The following PAGE2B variants were observed in gnomAD, a reference collection of about 807,000 sequenced individuals.
PAGE2B encodes PAGE family member 2B.
In PAGE2B, 5 loss-of-function variants were observed where a neutral mutation model predicts 7.6. The observed-to-expected ratio is 0.66, with a 90% confidence interval of 0.34 to 1.38. PAGE2B has a LOEUF of 1.38. Ranked by LOEUF, PAGE2B falls within the 40% of genes most tolerant of loss-of-function variation. The probability of loss-of-function intolerance (pLI) is 0.04; values close to 1 mark genes in which losing one functional copy is unlikely to be tolerated. For synonymous variants in PAGE2B, 29 were observed against 26.7 expected (o/e 1.09, Z -0.27); for missense variants, 70 against 78.4 (o/e 0.89, Z 0.41).
At chrX:55,037,870 G>A in the PAGE2B span, among the ~76,000 whole-genome samples, 4 of 86,903 alleles carry the variant, frequency 4.6e-5, no homozygotes, top group Non-Finnish European at 8.6e-5. Context: ...ATGGACACAG[G>A]AAGGGGAACA....
chrX:55,062,724 T>G, the PAGE2B span, among the ~76,000 whole-genome samples: 1 of 112,094 alleles, frequency 8.9e-6, no homozygotes, highest in Non-Finnish European at 1.9e-5. Context: ...GGTGGTTTCA[T>G]AGTCTGAGGT....
chrX:55,048,682 C>G, the PAGE2B span, among the ~76,000 whole-genome samples: 1 of 111,566 alleles, frequency 9.0e-6, no homozygotes, highest in Non-Finnish European at 1.9e-5. Flanking sequence ...CTGAAGTTGC[C>G]TATCAGCTTA....
At chrX:55,057,544 CT>C in the PAGE2B span, among the ~76,000 whole-genome samples, 1 of 111,138 alleles carries the variant, frequency 9.0e-6, no homozygotes, top group African/African-American at 3.3e-5. Context: ...CCCAACATGC[CT>C]TATGTCTGAG....
chrX:55,059,734 C>G, the PAGE2B span, among the ~76,000 whole-genome samples: 1 of 111,411 alleles, frequency 9.0e-6, no homozygotes, highest in Non-Finnish European at 1.9e-5. Context: ...TCCTTCCTAA[C>G]TGAAACTTTG....
intron 1 of PAGE2B, among the ~76,000 whole-genome samples, chrX:55,075,338 G>A (rs1936495398): frequency 1.8e-5 from 2 of 111,570 alleles, no homozygotes; most frequent in Non-Finnish European, 3.8e-5. Context: ...CAGAGGGGAG[G>A]GATCGCGTGA....
the PAGE2B span, among the ~76,000 whole-genome samples, chrX:55,048,589 T>G: frequency 5.4e-5 from 6 of 111,882 alleles, no homozygotes; most frequent in Non-Finnish European, 1.1e-4. Flanking sequence ...AGTTCACTCA[T>G]GATTTGGCTC....
At chrX:55,031,482 C>T in the PAGE2B span, among the ~76,000 whole-genome samples, 1 of 112,076 alleles carries the variant, frequency 8.9e-6, no homozygotes, top group African/African-American at 3.2e-5. Context: ...ATAACACCTA[C>T]TGTTGACTGA....
the PAGE2B span, among the ~76,000 whole-genome samples, chrX:55,030,670 A>G: frequency 5.4e-5 from 6 of 111,848 alleles, no homozygotes; most frequent in South Asian, 2.3e-3. Context: ...AAAATAAGAG[A>G]AAGCAAGAGT....
At chrX:55,065,258 T>C in the PAGE2B span, among the ~76,000 whole-genome samples, 1 of 111,961 alleles carries the variant, frequency 8.9e-6, no homozygotes, top group Admixed American at 9.5e-5. Flanking sequence ...TATTTATAAT[T>C]GCTATATCCT....
At chrX:55,070,708 T>A (rs1936440856), upstream of PAGE2B, among the ~76,000 whole-genome samples, 1 of 111,949 alleles carries the variant, frequency 8.9e-6, no homozygotes, top group African/African-American at 3.2e-5. Context: ...TTTATGGATC[T>A]GGGTGCTTCT....
At chrX:55,054,542 G>C in the PAGE2B span, among the ~76,000 whole-genome samples, 1 of 112,438 alleles carries the variant, frequency 8.9e-6, no homozygotes, top group African/African-American at 3.2e-5. Flanking sequence ...TATAGAAACT[G>C]AGTCTGTGTT....
chrX:55,071,626 T>C (rs1936449957), upstream of PAGE2B, among the ~76,000 whole-genome samples: 1 of 112,064 alleles, frequency 8.9e-6, no homozygotes, highest in Middle Eastern at 4.6e-3. Flanking sequence ...TTCTCCTGAA[T>C]ATTATCCTGA....
chrX:55,057,642 C>G, the PAGE2B span, among the ~76,000 whole-genome samples: 1 of 111,552 alleles, frequency 9.0e-6, no homozygotes, highest in Non-Finnish European at 1.9e-5. Context: ...AGCATCAATT[C>G]ACCTAGCTTT....
At chrX:55,029,563 A>G in the PAGE2B span, among the ~76,000 whole-genome samples, 1 of 111,511 alleles carries the variant, frequency 9.0e-6, no homozygotes, top group Non-Finnish European at 1.9e-5. Flanking sequence ...GCCTGACTCT[A>G]GACATTTATC....
chrX:55,052,774 C>T, the PAGE2B span, among the ~76,000 whole-genome samples: 3 of 112,851 alleles, frequency 2.7e-5, no homozygotes, highest in Non-Finnish European at 5.6e-5. Flanking sequence ...GGCGATGCCT[C>T]GCCCTGCTTC....
chrX:55,053,472 A>G, the PAGE2B span, among the ~76,000 whole-genome samples: 2 of 112,089 alleles, frequency 1.8e-5, no homozygotes, highest in African/African-American at 6.5e-5. Flanking sequence ...CATGGCACCC[A>G]TTTACCTATG....
chrX:55,075,799 T>C (rs188988449), intron 1 of PAGE2B, among the ~76,000 whole-genome samples: 21 of 111,417 alleles, frequency 1.9e-4, no homozygotes, highest in African/African-American at 6.2e-4. Context: ...AACGCAGAAA[T>C]GTCCTCTGTC....
At chrX:55,034,705 G>T in the PAGE2B span, among the ~76,000 whole-genome samples, 3 of 107,754 alleles carry the variant, frequency 2.8e-5, no homozygotes, top group South Asian at 4.1e-4. Context: ...TATTAGTCAG[G>T]GTTCTCTAGA....
the PAGE2B span, among the ~76,000 whole-genome samples, chrX:55,069,185 C>T: frequency 9.0e-6 from 1 of 111,542 alleles, no homozygotes; most frequent in East Asian, 2.8e-4. Flanking sequence ...TTGCCATGAA[C>T]ACCTGTTATT....
Sources: allele counts gnomAD v4.1 joint callset (sites outside exome capture counted in the v4.1 genomes callset), GRCh38; gene constraint gnomAD v4.1.1; transcripts MANE v1.5; gene names NCBI Gene and HGNC (gene_info 2026-07-23, HGNC 2026-07-21).